Variants in TANC2 observed in about 807,000 individuals in gnomAD.
TANC2 encodes protein TANC2.
In TANC2, 26 loss-of-function variants were observed where a neutral mutation model predicts 210.5. That is an observed-to-expected ratio of 0.12 (90% CI 0.09 to 0.17). The LOEUF (loss-of-function observed/expected upper bound fraction) is 0.17. TANC2 is among the 10% of genes least tolerant of loss of function. The pLI is 1.00. For synonymous variants in TANC2, 931 were observed against 967.1 expected, an observed-to-expected ratio of 0.96 and a Z score of 0.69; for missense variants, 2,129 against 2,608.9, an observed-to-expected ratio of 0.82 and a Z score of 4.01.
At chr17:63,364,451 CAT>C (rs1393231374) in intron 14 of TANC2, among the ~76,000 whole-genome samples, 1 of 152,074 alleles carries the variant, frequency 6.6e-6, no homozygotes, top group African/African-American at 2.4e-5. Flanking sequence ...CTTATTCTGT[CAT>C]AAAAACTTAT....
intron 8 of TANC2, among the ~76,000 whole-genome samples, chr17:63,242,750 G>A (rs1347389098): frequency 2.0e-5 from 3 of 152,066 alleles, no homozygotes; most frequent in Non-Finnish European, 2.9e-5. Context: ...CCATCAACAG[G>A]TGAATGGATA....
chr17:63,123,282 G>A (rs1353468885), intron 4 of TANC2, among the ~76,000 whole-genome samples: 1 of 152,190 alleles, frequency 6.6e-6, no homozygotes, highest in East Asian at 1.9e-4. Context: ...TGTGGGCCAG[G>A]CGCGGTGGCT....
chr17:63,144,930 G>A (rs1034007981), intron 4 of TANC2, among the ~76,000 whole-genome samples: 4 of 151,114 alleles, frequency 2.6e-5, no homozygotes, highest in Admixed American at 6.6e-5. Context: ...GAATTAACAG[G>A]GAATATGAAT....
Position 63,386,437 on chromosome 17 carries a change from T to C in TANC2, c.2692-2198T>C, listed in dbSNP as rs539364957. ...ATATTAACTGATAAAATATCTGGGA[T>C]TTTTCAAAATAATCCCATCAAGGGA... On this transcript the variant is annotated intron_variant, in intron 15 of 27. Transcript: ENST00000689528. Among the ~76,000 whole-genome samples the C allele has an allele frequency of 1.2e-4, 18 of 152,240 alleles. No homozygotes were observed. The South Asian group carries it at 3.7e-3, about 32-fold the overall frequency.
intron 1 of TANC2, among the ~76,000 whole-genome samples, chr17:62,989,723 G>C (rs1160018627): frequency 6.7e-6 from 1 of 150,198 alleles, no homozygotes; most frequent in Admixed American, 6.6e-5. Context: ...CAGCTATCTA[G>C]AGAAAAGCCA....
At chr17:63,256,951 A>G (rs765179040) in intron 8 of TANC2, among the ~76,000 whole-genome samples, 13 of 151,166 alleles carry the variant, frequency 8.6e-5, no homozygotes, top group South Asian at 2.1e-4. Flanking sequence ...TTTTATTTCC[A>G]TTTACATGGA....
intron 2 of TANC2, 33 bp from the exon 3 acceptor site, chr17:63,073,910 C>T (rs1195458289): frequency 6.5e-7 from 1 of 1,534,814 alleles, no homozygotes; most frequent in Admixed American, 2.0e-5. Flanking sequence ...ATCTCATTAT[C>T]TATTTGCTTA....
At chr17:63,036,431 A>G (rs1440987828) in intron 2 of TANC2, among the ~76,000 whole-genome samples, 1 of 152,160 alleles carries the variant, frequency 6.6e-6, no homozygotes, top group Non-Finnish European at 1.5e-5. Flanking sequence ...GTATTTATTT[A>G]GATGTATTTC....
chr17:63,125,375 C>T (rs952031746), intron 4 of TANC2, among the ~76,000 whole-genome samples: 2 of 152,136 alleles, frequency 1.3e-5, no homozygotes, highest in Non-Finnish European at 2.9e-5. Context: ...TCTCTCTATA[C>T]CTTTCTTTAA....
intron 4 of TANC2, among the ~76,000 whole-genome samples, chr17:63,140,067 A>C (rs2039231485): frequency 6.6e-6 from 1 of 152,206 alleles, no homozygotes. Flanking sequence ...ACTTTTAAAG[A>C]AACTTTATAC....
At chr17:63,010,873 C>T (rs193061349) in intron 2 of TANC2, among the ~76,000 whole-genome samples, 17 of 152,226 alleles carry the variant, frequency 1.1e-4, no homozygotes, top group Non-Finnish European at 1.5e-5. Context: ...TTTGGGTATG[C>T]CGCCTTCTCA....
intron 1 of TANC2, among the ~76,000 whole-genome samples, chr17:62,976,965 C>T (rs2143342662): frequency 6.6e-6 from 1 of 152,316 alleles, no homozygotes; most frequent in African/African-American, 2.4e-5. Context: ...GGTCCCGTTC[C>T]AGCCGATGGA....
chr17:63,278,380 A>G (rs755310783), intron 9 of TANC2, among the ~76,000 whole-genome samples: 3 of 152,150 alleles, frequency 2.0e-5, no homozygotes, highest in Admixed American at 1.3e-4. Context: ...AAAATGCTCA[A>G]TATCACTTAT....
chr17:63,324,735 C>T (rs1251435444), intron 11 of TANC2, among the ~76,000 whole-genome samples: 2 of 152,026 alleles, frequency 1.3e-5, no homozygotes, highest in African/African-American at 2.4e-5. Context: ...GGAAAACAGC[C>T]TTGTTGTTTA....
intron 2 of TANC2, among the ~76,000 whole-genome samples, chr17:63,014,852 G>A (rs1454303250): frequency 6.6e-6 from 1 of 151,972 alleles, no homozygotes; most frequent in Non-Finnish European, 1.5e-5. Flanking sequence ...CACACAAATT[G>A]TTTACAATTT....
intron 8 of TANC2, among the ~76,000 whole-genome samples, chr17:63,264,352 G>T (rs184578818): frequency 6.6e-4 from 101 of 152,268 alleles, no homozygotes; most frequent in Non-Finnish European, 7.4e-5. Context: ...ATGTATATAG[G>T]AAAGGCTGAA....
At chr17:63,417,015 C>T (rs931533742) in intron 26 of TANC2, among the ~76,000 whole-genome samples, 6 of 152,174 alleles carry the variant, frequency 3.9e-5, no homozygotes, top group Admixed American at 2.0e-4. Context: ...TTTAAAAATG[C>T]CCTCATATTT....
At chr17:63,329,748 C>G (rs1431110591) in intron 11 of TANC2, among the ~76,000 whole-genome samples, 1 of 152,090 alleles carries the variant, frequency 6.6e-6, no homozygotes, top group East Asian at 1.9e-4. Flanking sequence ...CTCTACTGAC[C>G]AGCCATTCCC....
At chr17:63,011,745 G>GT (rs992593502) in intron 2 of TANC2, among the ~76,000 whole-genome samples, 7 of 151,696 alleles carry the variant, frequency 4.6e-5, no homozygotes, top group African/African-American at 9.7e-5. Flanking sequence ...AGGACTCCAG[G>GT]TTTTTTTTAA....
Sources: gnomAD v4.1 joint callset for allele counts (sites outside exome capture counted in the v4.1 genomes callset) on GRCh38, gnomAD v4.1.1 for gene constraint, MANE v1.5 for transcripts, NCBI Gene and HGNC (gene_info 2026-07-23, HGNC 2026-07-21) for gene names.